NUP188: variants seen among roughly 807,000 people sequenced by gnomAD.
The protein encoded by NUP188 is nucleoporin NUP188.
In NUP188, 97 loss-of-function variants were observed where a neutral mutation model predicts 223.0. The ratio of observed to expected loss-of-function variants is 0.43; its 90% CI spans 0.37 to 0.51. The LOEUF is 0.51. NUP188 is among the 20% of genes least tolerant of loss of function. The pLI, the probability that NUP188 is intolerant of heterozygous loss-of-function variation, is 0.00. For missense variants in NUP188, 1,947 were observed against 2,175.6 expected (o/e 0.89, Z 2.09); for synonymous variants, 869 against 828.0 (o/e 1.05, Z -0.85).
chr9:128,961,950 T>G (rs1471031060), intron 8 of NUP188, among the ~76,000 whole-genome samples: 1 of 150,952 alleles, frequency 6.6e-6, no homozygotes, highest in African/African-American at 2.4e-5. Context: ...CTTTTTTTTT[T>G]TTTTGGACGG....
intron 13 of NUP188, 64 bp downstream of exon 13, chr9:128,979,391 G>C (rs570984892): frequency 1.9e-5 from 23 of 1,192,106 alleles, no homozygotes; most frequent in Non-Finnish European, 2.7e-5. Context: ...TTTTCTTACA[G>C]GTTTTGTACT....
chr9:128,961,937 A>T (rs1233730185), intron 8 of NUP188, among the ~76,000 whole-genome samples: 6 of 126,740 alleles, frequency 4.7e-5, no homozygotes, highest in Admixed American at 8.6e-5. Flanking sequence ...GACATACCAT[A>T]CTCTTTTTTT....
At position 129,002,993 on chromosome 9, in the gene NUP188, T is replaced by C. The variant is rs769361925; in HGVS notation, c.4296+18T>C. 1 of 1,612,862 alleles carries C rather than the reference T, an allele frequency of 6.2e-7. No homozygotes were observed. The highest frequency in any genetic ancestry group is 8.5e-7 in the Non-Finnish European group (1 of 1,179,486). ...CCTTACAGGTGAGGGGCTGCCTGCA[T>C]TGCAGGGGTGGGAGTTTCAGGGTAA... On this transcript the variant is annotated intron_variant, in intron 37 of 43. Coordinates refer to ENST00000372577, the MANE Select transcript of NUP188 (RefSeq NM_015354.3).
chr9:128,999,571 A>G, intron 33 of NUP188, 53 bp from the exon 34 acceptor site: 2 of 1,566,142 alleles, frequency 1.3e-6, no homozygotes, highest in South Asian at 1.1e-5. Context: ...CTTGGTGTAC[A>G]GTGAGAGTTG....
In NUP188 at chr9:129,006,972, G is replaced by A. The variant is rs904234265; in HGVS notation, c.*294G>A. ...TTCCCCACAGCACTGCCGGCCAGGGGAGAGGCGGCAGCCCAGCAGAGGGCT... is the reference window on the plus strand; with the variant it reads ...TTCCCCACAGCACTGCCGGCCAGGGAAGAGGCGGCAGCCCAGCAGAGGGCT... On this transcript the variant is annotated 3_prime_UTR_variant, in exon 44 of 44. Transcript: ENST00000372577. 1 of 331,302 alleles carries A rather than the reference G, an allele frequency of 3.0e-6. No individual in the cohort carries two copies. Among genetic ancestry groups the A allele is most frequent in the Non-Finnish European group, 5.5e-6 (1 of 181,472 alleles). The allele number at this position is 331,302 out of a possible 1,614,324, so 20.5% of individuals were successfully genotyped here. A position where few individuals can be genotyped will look rare whatever the true frequency, so the allele number is the denominator to read the frequency against.
In NUP188 at chr9:129,002,058, C is replaced by T. The variant is rs1214213330; in HGVS notation, c.4137+82C>T. The T allele has an allele frequency of 3.2e-5, 36 of 1,141,874 alleles. No individual in the cohort carries two copies. The Middle Eastern group carries it at 1.1e-3, about 36-fold the overall frequency. The allele number at this position is 1,141,874 out of a possible 1,614,324, so 70.7% of individuals were successfully genotyped here. On this transcript the variant is annotated intron_variant, in intron 36 of 43. Transcript: ENST00000372577. ...AAAAGTGTCCTCCCCTACCTTTCCCCGGAAGTTGCTTTCCTCTAAATTGCC... is the reference window on the plus strand; with the variant it reads ...AAAAGTGTCCTCCCCTACCTTTCCCTGGAAGTTGCTTTCCTCTAAATTGCC...
At chr9:128,957,941 T>C (rs1841894431) in intron 5 of NUP188, 69 bp from the exon 6 acceptor site, 1 of 1,098,158 alleles carries the variant, frequency 9.1e-7, no homozygotes, top group Non-Finnish European at 1.4e-6. Flanking sequence ...AGTGAAGGTA[T>C]CTATCTTTTT....
Position 128,987,733 on chromosome 9 carries a change from C to T in NUP188, c.2393+16C>T, listed in dbSNP as rs571212428. 6 of 1,609,470 alleles carry T rather than the reference C, an allele frequency of 3.7e-6. No homozygotes were observed. The African/African-American group carries it at 8.0e-5, about 22-fold the overall frequency. On this transcript the variant is annotated intron_variant, in intron 23 of 43. Transcript: ENST00000372577. ...AGCCTCGAAGGTAGGGCTCCTTCTC[C>T]ACGTTCCCTTTGTCTGTCTTTATTG...
At position 128,982,912 on chromosome 9, in the gene NUP188, G is replaced by A. The variant is rs1374641518; in HGVS notation, c.1680G>A (p.Gln560=). 6.2e-7 allele frequency: 1 copy of A among 1,614,022 alleles called. No individual in the cohort carries two copies. Among genetic ancestry groups the A allele is most frequent in the East Asian group, 2.2e-5 (1 of 44,896 alleles). The change falls in exon 17 of 44, where the codon CAG becomes CAA. Residue 560 remains glutamine, a synonymous_variant. Coordinates refer to ENST00000372577, the MANE Select transcript of NUP188 (RefSeq NM_015354.3). ...LHVVSTADVI[Q]HCQRVKPIID... is the part of the protein sequence containing the mutation. ...TGTCTTTCTTCTCAGATGTGATTCAGCACTGCCAGCGAGTCAAACCCATCA... is the reference window on the plus strand; with the variant it reads ...TGTCTTTCTTCTCAGATGTGATTCAACACTGCCAGCGAGTCAAACCCATCA...
In NUP188 at chr9:129,001,570, G is replaced by A. The variant is rs1842667256; in HGVS notation, c.3885G>A (p.Glu1295=). Residue 1295 remains glutamate (E), a synonymous_variant, in exon 35 of 44, where the codon GAG becomes GAA. Transcript: ENST00000372577. The stretch of plus-strand genomic sequence containing the variant: ...TGCACCTGGCCAAGGAGCTGTGTGA[G>A]GTAGACGAGGATGGTGACTCCTGGC... ...LGLHLAKELC[E]VDEDGDSWLQ... is the part of the protein sequence containing the mutation. The A allele has an allele frequency of 1.9e-6, 3 of 1,614,030 alleles. No individual in the cohort carries two copies. Among genetic ancestry groups the A allele is most frequent in the South Asian group, 1.1e-5 (1 of 91,082 alleles).
chr9:128,998,104 A>G (rs1250962834), intron 30 of NUP188, 47 bp from the exon 31 acceptor site: 1 of 1,446,932 alleles, frequency 6.9e-7, no homozygotes, highest in Admixed American at 1.7e-5. Context: ...TGGCCTCTAA[A>G]ATCTGGAAAA....
chr9:128,961,061 G>T (rs888516733), intron 8 of NUP188, among the ~76,000 whole-genome samples: 1 of 147,050 alleles, frequency 6.8e-6, no homozygotes, highest in Non-Finnish European at 1.5e-5. Flanking sequence ...CTCCAGCCTG[G>T]GGTGACAGAG....
intron 38 of NUP188, chr9:129,003,662 G>A: frequency 1.5e-6 from 1 of 677,776 alleles, no homozygotes; most frequent in South Asian, 1.6e-5. Context: ...TTAAGAATTT[G>A]GACTTTTATC....
intron 24 of NUP188, among the ~76,000 whole-genome samples, chr9:128,989,667 A>G (rs982992426): frequency 6.6e-6 from 1 of 152,034 alleles, no homozygotes; most frequent in Non-Finnish European, 1.5e-5. Flanking sequence ...CCCTGTCTCT[A>G]TTAAAAATTT....
rs540096501 is a variant in NUP188, at chr9:129,006,379, A to C, written c.5073+11A>C. The C allele has an allele frequency of 1.6e-5, 26 of 1,614,060 alleles. No homozygotes were observed. The highest frequency in any genetic ancestry group is 2.2e-5 in the Non-Finnish European group (26 of 1,180,030). ...CTCAGCTCTGAGTTGGTACGGATGG[A>C]TAGGGATACGGAGGGCTGGACCAAT... On this transcript the variant is annotated intron_variant, in intron 43 of 43. Coordinates refer to ENST00000372577, the MANE Select transcript of NUP188 (RefSeq NM_015354.3).
At chr9:128,980,873 C>G (rs180959828) in intron 14 of NUP188, 148 bp downstream of exon 14, 17 of 750,686 alleles carry the variant, frequency 2.3e-5, no homozygotes, top group South Asian at 2.1e-4. Context: ...GATAGCACCT[C>G]AATTCTAAAA....
chr9:128,971,441 CAG>C (rs1228693311), intron 11 of NUP188, among the ~76,000 whole-genome samples: 1 of 152,134 alleles, frequency 6.6e-6, no homozygotes, highest in Admixed American at 6.6e-5. Context: ...GTTTTTGAGA[CAG>C]AGTCTTGCTC....
chr9:128,950,792 C>T (rs1564548169), intron 2 of NUP188, among the ~76,000 whole-genome samples: 1 of 152,078 alleles, frequency 6.6e-6, no homozygotes, highest in African/African-American at 2.4e-5. Context: ...CTGCAGTGAA[C>T]TCTAGCCTGG....
At chr9:128,957,509 G>T (rs535706942) in intron 5 of NUP188, among the ~76,000 whole-genome samples, 1 of 151,960 alleles carries the variant, frequency 6.6e-6, no homozygotes, top group South Asian at 2.1e-4. Flanking sequence ...CTGTCTCCCA[G>T]GCTGGAGTGC....
Sources: gnomAD v4.1 joint callset for allele counts (sites outside exome capture counted in the v4.1 genomes callset) on GRCh38, gnomAD v4.1.1 for gene constraint, MANE v1.5 for transcripts, NCBI Gene and HGNC (gene_info 2026-07-23, HGNC 2026-07-21) for gene names.